CPNE4: variants seen among roughly 807,000 people sequenced by gnomAD.
CPNE4 encodes copine-4.
Under a neutral mutation model 67.9 loss-of-function variants are expected in CPNE4, and 25 were observed. The observed-to-expected ratio is 0.37, with a 90% CI of 0.27 to 0.51. The LOEUF (loss-of-function observed/expected upper bound fraction) is 0.51. CPNE4 is among the 20% of genes least tolerant of loss of function. The pLI, the probability that CPNE4 is intolerant of heterozygous loss-of-function variation, is 0.93. For synonymous variants in CPNE4, 242 were observed against 244.9 expected (o/e 0.99, Z 0.11); for missense variants, 464 against 690.8 (o/e 0.67, Z 3.68).
chr3:131,876,658 A>G lies in CPNE4; in HGVS notation c.180+28606T>C, dbSNP rs1277329726. ...CTCCGTCTCAAAAAAAAAAAAAAAGAAAGAAAGAAAGAGACATTCTTTTTC... is the reference window on the plus strand; with the variant it reads ...CTCCGTCTCAAAAAAAAAAAAAAAGGAAGAAAGAAAGAGACATTCTTTTTC... On this transcript the variant is annotated intron_variant, in intron 2 of 15. Transcript: ENST00000429747. Among the ~76,000 whole-genome samples the G allele has an allele frequency of 2.9e-5, 4 of 136,144 alleles. No homozygotes were observed. The South Asian group carries it at 7.0e-4, about 24-fold the overall frequency. The allele number at this position is 136,144 out of a possible 152,430, so 89.3% of individuals were successfully genotyped here.
intron 1 of CPNE4, among the ~76,000 whole-genome samples, chr3:131,942,391 A>T (rs986535761): frequency 3.4e-5 from 5 of 147,686 alleles, no homozygotes; most frequent in African/African-American, 1.3e-4. Flanking sequence ...ACCACAGTTA[A>T]TATTTTGACA....
intron 1 of CPNE4, among the ~76,000 whole-genome samples, chr3:131,928,203 G>C (rs2070950345): frequency 6.6e-6 from 1 of 152,032 alleles, no homozygotes; most frequent in Non-Finnish European, 1.5e-5. Context: ...GTTCTTATAT[G>C]ATATCGCTGT....
At chr3:131,834,596 TACC>T (rs2085488428) in intron 2 of CPNE4, among the ~76,000 whole-genome samples, 1 of 152,060 alleles carries the variant, frequency 6.6e-6, no homozygotes, top group African/African-American at 2.4e-5. Context: ...AAAATCAAGT[TACC>T]ACAACTTTTC....
chr3:131,552,897 G>A (rs1383000735), intron 12 of CPNE4, among the ~76,000 whole-genome samples: 1 of 152,024 alleles, frequency 6.6e-6, no homozygotes, highest in Non-Finnish European at 1.5e-5. Context: ...AATAACCCAA[G>A]CTGTCTGCTG....
intron 2 of CPNE4, among the ~76,000 whole-genome samples, chr3:131,797,749 A>C (rs935400332): frequency 2.0e-5 from 3 of 152,230 alleles, no homozygotes; most frequent in South Asian, 4.1e-4. Flanking sequence ...TATCCTGCTC[A>C]GATATAACAC....
intron 1 of CPNE4, among the ~76,000 whole-genome samples, chr3:131,944,202 C>G (rs188148197): frequency 9.2e-5 from 14 of 151,564 alleles, no homozygotes; most frequent in African/African-American, 2.9e-4. Flanking sequence ...CATGGCAAAG[C>G]TGAACCTCTT....
chr3:131,808,592 C>T (rs539896693), intron 2 of CPNE4, among the ~76,000 whole-genome samples: 180 of 152,048 alleles, frequency 1.2e-3, no homozygotes, highest in African/African-American at 4.0e-3. Context: ...TTGCCTTATC[C>T]TATATCATTT....
chr3:131,920,162 A>G (rs2070701017), intron 1 of CPNE4, among the ~76,000 whole-genome samples: 1 of 152,040 alleles, frequency 6.6e-6, no homozygotes, highest in African/African-American at 2.4e-5. Context: ...GATTTTTCCT[A>G]CCTTTATTGA....
chr3:131,745,949 G>T (rs1310750722), intron 2 of CPNE4, among the ~76,000 whole-genome samples: 1 of 152,056 alleles, frequency 6.6e-6, no homozygotes, highest in Admixed American at 6.5e-5. Context: ...TAGAAATTAT[G>T]TTAAACCTGT....
At chr3:131,712,421 A>G (rs532888197) in intron 3 of CPNE4, among the ~76,000 whole-genome samples, 18 of 152,314 alleles carry the variant, frequency 1.2e-4, no homozygotes, top group Admixed American at 3.3e-4. Context: ...CCCTGTTGGG[A>G]CAGGTTAGCT....
intron 2 of CPNE4, among the ~76,000 whole-genome samples, chr3:131,729,911 T>G (rs1026603172): frequency 1.3e-5 from 2 of 152,216 alleles, no homozygotes; most frequent in Non-Finnish European, 2.9e-5. Flanking sequence ...AATTCCTTCT[T>G]GAAATGGATG....
intron 1 of CPNE4, among the ~76,000 whole-genome samples, chr3:132,023,851 C>T (rs535701367): frequency 6.6e-6 from 1 of 152,096 alleles, no homozygotes; most frequent in East Asian, 1.9e-4. Flanking sequence ...TAAAAGAAGC[C>T]CTTGGGTTTA....
chr3:131,590,004 C>G (rs1196333080), intron 7 of CPNE4, among the ~76,000 whole-genome samples: 1 of 152,112 alleles, frequency 6.6e-6, no homozygotes, highest in Non-Finnish European at 1.5e-5. Flanking sequence ...AAGATGGACC[C>G]AAGTTTGGGG....
At chr3:131,581,691 A>T in intron 8 of CPNE4, 26 bp from the exon 9 acceptor site, 1 of 1,551,006 alleles carries the variant, frequency 6.4e-7, no homozygotes, top group East Asian at 2.2e-5. Context: ...TAGCATGAGA[A>T]TCTGTTCAGG....
At chr3:131,804,286 C>T (rs2084232791) in intron 2 of CPNE4, among the ~76,000 whole-genome samples, 1 of 151,934 alleles carries the variant, frequency 6.6e-6, no homozygotes, top group Admixed American at 6.6e-5. Context: ...TGATTTCAGA[C>T]ACAAGAAATT....
intron 2 of CPNE4, among the ~76,000 whole-genome samples, chr3:131,742,562 C>G (rs559885281): frequency 2.6e-5 from 4 of 152,108 alleles, no homozygotes; most frequent in African/African-American, 2.4e-5. Flanking sequence ...TAAACACCCT[C>G]ATTGAGTGGG....
intron 2 of CPNE4, among the ~76,000 whole-genome samples, chr3:131,861,453 G>A (rs543881604): frequency 0.011 from 1,490 of 137,252 alleles, 13 homozygotes; most frequent in Non-Finnish European, 0.015. Flanking sequence ...TGTGTGTGAC[G>A]GAATTTTGCT....
At chr3:132,035,020 C>T, upstream of CPNE4, 1 of 985,396 alleles carries the variant, frequency 1.0e-6, no homozygotes, top group Non-Finnish European at 1.2e-6. Context: ...CTGACGAATC[C>T]CATGCACCCA....
intron 7 of CPNE4, among the ~76,000 whole-genome samples, chr3:131,640,089 G>A (rs747364948): frequency 6.6e-6 from 1 of 152,070 alleles, no homozygotes; most frequent in Admixed American, 6.5e-5. Context: ...TTCCCCCTGG[G>A]AACTGGAACA....
Sources: allele counts gnomAD v4.1 joint callset (sites outside exome capture counted in the v4.1 genomes callset), GRCh38; gene constraint gnomAD v4.1.1; transcripts MANE v1.5; gene names NCBI Gene and HGNC (gene_info 2026-07-23, HGNC 2026-07-21).